The following RASAL1 variants were observed in gnomAD, a reference collection of about 807,000 sequenced individuals.
RASAL1 encodes RAS protein activator like 1, also known as rasGAP-activating-like protein 1.
RASAL1 carries 72 observed loss-of-function variants against 96.6 expected under a neutral mutation model. That is an observed-to-expected ratio of 0.75 (90% CI 0.62 to 0.91). The LOEUF (loss-of-function observed/expected upper bound fraction) is 0.91. Ranked by LOEUF, RASAL1 falls within the 40% of genes least tolerant of loss-of-function variation. The probability of loss-of-function intolerance (pLI) is 0.00; values close to 1 mark genes in which losing one functional copy is unlikely to be tolerated. For missense variants in RASAL1, 1,016 were observed against 1,072.5 expected, an observed-to-expected ratio of 0.95 and a Z score of 0.74; for synonymous variants, 405 against 430.4, an observed-to-expected ratio of 0.94 and a Z score of 0.73.
intron 14 of RASAL1, chr12:113,107,732 C>T (rs946646872): frequency 2.5e-5 from 10 of 392,844 alleles, no homozygotes; most frequent in Non-Finnish European, 4.8e-5. Context: ...CTGTTCCCTC[C>T]CGAGCCCAGA....
rs781045247 is a variant in RASAL1 at position 113,115,901 on chromosome 12, C to T, written c.849+33G>A. On this transcript the variant is annotated intron_variant, in intron 9 of 20. Transcript: ENST00000548055. This position sits in a 1 kb window ranked among gnomAD's most constrained non-coding sequence, Gnocchi z 4.1. ...GGCCAGGATCCAGACCCCCGGCACC[C>T]GCCTGATAGCATTGCTTGCCTGACG... 22 of 1,581,958 alleles carry T rather than the reference C, an allele frequency of 1.4e-5. No homozygotes were observed. Among genetic ancestry groups the T allele is most frequent in the Admixed American group, 5.2e-5 (3 of 57,408 alleles).
chr12:113,105,595 G>C, intron 16 of RASAL1, 119 bp downstream of exon 16: 1 of 1,114,344 alleles, frequency 9.0e-7, no homozygotes, highest in East Asian at 2.5e-5. Context: ...TTGTTAAGTT[G>C]CTATGGCATC....
At chr12:113,136,586 T>C (rs1007431243), upstream of RASAL1, among the ~76,000 whole-genome samples, 3 of 152,252 alleles carry the variant, frequency 2.0e-5, no homozygotes, top group Non-Finnish European at 2.9e-5. Flanking sequence ...TGCCATTTGG[T>C]AGCTGTCTGG....
At chr12:113,111,049 G>A (rs1950848080) in intron 13 of RASAL1, among the ~76,000 whole-genome samples, 1 of 152,152 alleles carries the variant, frequency 6.6e-6, no homozygotes, top group South Asian at 2.1e-4. Flanking sequence ...AGATCTGGGG[G>A]CTTCAGTTGG....
intron 18 of RASAL1, chr12:113,103,230 C>T (rs963327936): frequency 1.4e-5 from 2 of 145,498 alleles, no homozygotes; most frequent in African/African-American, 5.0e-5. Flanking sequence ...TATATAATAA[C>T]AATGTTATTA....
At chr12:113,118,600 G>T (rs1432105013) in intron 7 of RASAL1, among the ~76,000 whole-genome samples, 3 of 152,174 alleles carry the variant, frequency 2.0e-5, no homozygotes, top group Non-Finnish European at 2.9e-5. Flanking sequence ...CAAAGACAGG[G>T]AAACCAAGAG....
intron 16 of RASAL1, 142 bp downstream of exon 16, chr12:113,105,572 T>G: frequency 4.2e-5 from 38 of 897,172 alleles, no homozygotes; most frequent in Non-Finnish European, 6.1e-5. Flanking sequence ...GAGCCTGTCC[T>G]GAGAGTTTGT....
chr12:113,104,441 G>C lies in RASAL1; in HGVS notation c.1831-143C>G, dbSNP rs903106818. 4.0e-6 allele frequency: 3 copies of C among 742,002 alleles called. No homozygotes were observed. In the African/African-American group the frequency reaches 5.3e-5, roughly 13 times the overall value. 46.0% of individuals were successfully genotyped at this position (742,002 alleles called of 1,614,324 possible). On this transcript the variant is annotated intron_variant, in intron 16 of 20. Coordinates refer to ENST00000548055, the MANE Select transcript of RASAL1 (RefSeq NM_001301202.2). ...CTGTAAGTCTGTGCTCTGTGTGCTC[G>C]TCCATCCATCCATGTGAGCTGTTCC...
chr12:113,108,250 A>G (rs1378477103), intron 13 of RASAL1, 28 bp from the exon 14 acceptor site: 1 of 1,597,544 alleles, frequency 6.3e-7, no homozygotes, highest in Non-Finnish European at 8.5e-7. Flanking sequence ...AGGTAAGAGG[A>G]GCCCCCCAAA....
rs1345099739 is a variant in RASAL1 at position 113,135,008 on chromosome 12, A to G, written c.65+390T>C. On this transcript the variant is annotated intron_variant, in intron 1 of 20. Transcript: ENST00000548055. This position sits in a 1 kb window ranked among gnomAD's most constrained non-coding sequence, Gnocchi z 5.7. ...CCCAGGGTTCCCTTGCTAGGCCCCC[A>G]CCCACGCCTGGAGGAGCCACCTCCA... is the stretch of plus-strand genomic sequence containing the variant. Among the ~76,000 whole-genome samples the G allele has an allele frequency of 2.7e-5, 4 of 149,422 alleles. No homozygotes were observed. Among genetic ancestry groups the G allele is most frequent in the African/African-American group, 9.9e-5 (4 of 40,416 alleles).
In RASAL1 at chr12:113,102,207, A is replaced by G. The variant is rs575109430; in HGVS notation, c.2105-198T>C. 1.2e-3 allele frequency among the ~76,000 whole-genome samples: 188 copies of G among 152,074 alleles called. No homozygotes were observed. The South Asian group carries it at 0.015, about 12-fold the overall frequency. On this transcript the variant is annotated intron_variant, in intron 18 of 20. Transcript: ENST00000548055. ...GAGATGGGAGGATCACTCGAGCCCA[A>G]GAGTTCAAGACCAGCCTGGGCAACA...
chr12:113,119,377 C>T lies in RASAL1; in HGVS notation c.495G>A (p.Gln165=). ...CACCACTCACTGAGGTCTCCAAGCT[C>T]TGGCTGCCCCAAAACACACGTGCAA... ...DPFARVFWGS[Q]SLETSTIKKT... Residue 165 remains glutamine, a synonymous_variant, in exon 6 of 21, where the codon CAG becomes CAA. Transcript: ENST00000548055. 1 of 1,612,696 alleles carries T rather than the reference C, an allele frequency of 6.2e-7. No homozygotes were observed. Among genetic ancestry groups the T allele is most frequent in the Non-Finnish European group, 8.5e-7 (1 of 1,179,344 alleles).
intron 1 of RASAL1, among the ~76,000 whole-genome samples, chr12:113,131,247 T>G (rs78591522): frequency 0.24 from 4,571 of 19,396 alleles, 106 homozygotes; most frequent in Non-Finnish European, 0.28. Context: ...AGAGCGTGTG[T>G]GGGGGGGGTG....
chr12:113,100,597 C>G, intron 20 of RASAL1, 31 bp downstream of exon 20: 1 of 1,587,648 alleles, frequency 6.3e-7, no homozygotes, highest in Non-Finnish European at 8.6e-7. Context: ...CTGCACCCAG[C>G]CTTTACCTTC....
intron 13 of RASAL1, 139 bp from the exon 14 acceptor site, chr12:113,108,361 C>A (rs545816778): frequency 8.3e-6 from 9 of 1,080,820 alleles, no homozygotes; most frequent in Middle Eastern, 2.5e-4. Flanking sequence ...ACCGGCTGGC[C>A]GAGGAAGTTT....
Position 113,105,695 on chromosome 12 carries a change from T to C in RASAL1, c.1830+19A>G. The stretch of plus-strand genomic sequence containing the variant: ...AAGGCCACCCCTGGAAAGCCCTCCA[T>C]AGTGGACTGGAACCCCACCTGCCAC... On this transcript the variant is annotated intron_variant, in intron 16 of 20. Coordinates refer to ENST00000548055, the MANE Select transcript of RASAL1 (RefSeq NM_001301202.2). 1.3e-6 allele frequency: 2 copies of C among 1,589,860 alleles called. No individual in the cohort carries two copies.
chr12:113,128,030 C>A, intron 3 of RASAL1, 35 bp downstream of exon 3: 1 of 1,604,948 alleles, frequency 6.2e-7, no homozygotes, highest in South Asian at 1.1e-5. Context: ...GCTTGGGTCC[C>A]TAACCCACAC....
intron 1 of RASAL1, among the ~76,000 whole-genome samples, chr12:113,132,292 T>A (rs1280013487): frequency 1.3e-5 from 2 of 152,022 alleles, no homozygotes; most frequent in African/African-American, 2.4e-5. Context: ...TCTCTATGCG[T>A]TTAGTATTGT....
At chr12:113,113,479 G>GTTA (rs1167280409) in intron 12 of RASAL1, among the ~76,000 whole-genome samples, 1 of 152,086 alleles carries the variant, frequency 6.6e-6, no homozygotes, top group African/African-American at 2.4e-5. Context: ...TTCCTCCATC[G>GTTA]TTATCAAGTG....
Sources: gnomAD v4.1 joint callset for allele counts (sites outside exome capture counted in the v4.1 genomes callset) on GRCh38, gnomAD v4.1.1 for gene constraint, Gnocchi (gnomAD v3.1) non-coding constraint, MANE v1.5 for transcripts, NCBI Gene and HGNC (gene_info 2026-07-23, HGNC 2026-07-21) for gene names.